Variants in NLGN1 observed in about 807,000 individuals in gnomAD.
NLGN1 encodes the protein neuroligin-1.
Under a neutral mutation model 65.5 loss-of-function variants are expected in NLGN1, and 12 were observed. The observed-to-expected ratio is 0.18, with a 90% CI of 0.12 to 0.30. The LOEUF (loss-of-function observed/expected upper bound fraction) is 0.30, where lower values mean the gene tolerates loss of function less well. NLGN1 is among the 10% of genes least tolerant of loss of function. The pLI, the probability that NLGN1 is intolerant of heterozygous loss-of-function variation, is 1.00. For missense variants in NLGN1, 750 were observed against 1,007.1 expected, an observed-to-expected ratio of 0.74 and a Z score of 3.46; for synonymous variants, 350 against 359.5, an observed-to-expected ratio of 0.97 and a Z score of 0.30.
intron 3 of NLGN1, among the ~76,000 whole-genome samples, chr3:173,701,497 A>G (rs185000596): frequency 3.3e-5 from 5 of 152,306 alleles, no homozygotes; most frequent in Non-Finnish European, 7.4e-5. Context: ...TCCAGAAATA[A>G]TGTAGCCCTG....
At chr3:173,758,562 A>C (rs1188379675) in intron 3 of NLGN1, among the ~76,000 whole-genome samples, 1 of 152,002 alleles carries the variant, frequency 6.6e-6, no homozygotes, top group African/African-American at 2.4e-5. Context: ...AGAAAATCCA[A>C]GCTGCTTACC....
chr3:173,899,312 T>TA (rs1460817110), intron 4 of NLGN1, among the ~76,000 whole-genome samples: 1 of 152,140 alleles, frequency 6.6e-6, no homozygotes, highest in African/African-American at 2.4e-5. Context: ...TTCAAATTAG[T>TA]AAAAAATTTT....
At chr3:173,978,572 G>A (rs79513596) in intron 4 of NLGN1, among the ~76,000 whole-genome samples, 103 of 152,016 alleles carry the variant, frequency 6.8e-4, no homozygotes, top group African/African-American at 2.4e-3. Flanking sequence ...ACATGGAATA[G>A]TCAATTAATA....
chr3:173,509,911 A>C, intron 2 of NLGN1, among the ~76,000 whole-genome samples: 1 of 152,208 alleles, frequency 6.6e-6, no homozygotes. Flanking sequence ...TCAGGAGAGT[A>C]GGTTTGCTTG....
intron 4 of NLGN1, among the ~76,000 whole-genome samples, chr3:174,248,550 G>A (rs1444169354): frequency 6.6e-6 from 1 of 152,092 alleles, no homozygotes; most frequent in Non-Finnish European, 1.5e-5. Context: ...ACCTGAGGCT[G>A]GGAGTTTGAG....
intron 4 of NLGN1, among the ~76,000 whole-genome samples, chr3:174,201,323 G>T (rs115092681): frequency 1.1e-4 from 14 of 126,084 alleles, no homozygotes; most frequent in Admixed American, 9.3e-4. Flanking sequence ...GGAGGGAGGC[G>T]GGAGGAGGGA....
At position 173,520,889 on chromosome 3, in the gene NLGN1, A is replaced by G. The variant is rs116494123; in HGVS notation, c.-320-83390A>G. Among the ~76,000 whole-genome samples, 294 of 152,166 alleles carry G rather than the reference A, an allele frequency of 1.9e-3. 1 individual carries two copies. Among genetic ancestry groups the G allele is most frequent in the African/African-American group, 7.0e-3 (292 of 41,540 alleles). On this transcript the variant is annotated intron_variant, in intron 2 of 6. Transcript: ENST00000457714. The stretch of plus-strand genomic sequence containing the variant: ...TGAAAAGAAACTTAGGACTAATCTC[A>G]TTTTTGTGGCCACCTCGGTTGGCAG...
intron 4 of NLGN1, among the ~76,000 whole-genome samples, chr3:174,087,674 C>T (rs1266862646): frequency 2.0e-5 from 3 of 152,028 alleles, no homozygotes; most frequent in Non-Finnish European, 4.4e-5. Context: ...AGTTCTATGC[C>T]ACAACTATAC....
At chr3:173,581,705 C>T (rs1746428462) in intron 2 of NLGN1, among the ~76,000 whole-genome samples, 1 of 151,606 alleles carries the variant, frequency 6.6e-6, no homozygotes, top group Admixed American at 6.6e-5. Context: ...AAAAAATCTC[C>T]ATATAAAAAG....
chr3:173,545,133 G>T (rs749152439), intron 2 of NLGN1, among the ~76,000 whole-genome samples: 1 of 152,102 alleles, frequency 6.6e-6, no homozygotes, highest in Admixed American at 6.6e-5. Flanking sequence ...GGAGTGTAAA[G>T]TCGCAATTTC....
intron 2 of NLGN1, among the ~76,000 whole-genome samples, chr3:173,510,004 T>G (rs532356035): frequency 6.6e-6 from 1 of 152,298 alleles, no homozygotes; most frequent in Non-Finnish European, 1.5e-5. Context: ...AACAGCAGTT[T>G]TAGTCACAGG....
At chr3:173,901,290 T>C (rs1407926025) in intron 4 of NLGN1, among the ~76,000 whole-genome samples, 2 of 150,270 alleles carry the variant, frequency 1.3e-5, no homozygotes, top group Admixed American at 6.8e-5. Context: ...AATTAATACA[T>C]AGACAAGTTT....
intron 2 of NLGN1, among the ~76,000 whole-genome samples, chr3:173,441,918 C>G (rs62291287): frequency 1.3e-5 from 2 of 152,236 alleles, no homozygotes; most frequent in African/African-American, 2.4e-5. Flanking sequence ...GTTAAACCAC[C>G]AAGTCATGAT....
chr3:173,696,640 C>A (rs1198267927), intron 3 of NLGN1, among the ~76,000 whole-genome samples: 1 of 152,174 alleles, frequency 6.6e-6, no homozygotes, highest in Non-Finnish European at 1.5e-5. Context: ...CTGTTTACTT[C>A]ATACTTCTTT....
At chr3:174,134,757 G>C (rs1213452741) in intron 4 of NLGN1, among the ~76,000 whole-genome samples, 1 of 152,162 alleles carries the variant, frequency 6.6e-6, no homozygotes, top group Admixed American at 6.5e-5. Context: ...GGAAAGTAAG[G>C]ACTGGATCAA....
At chr3:173,520,286 T>C (rs1435002983) in intron 2 of NLGN1, among the ~76,000 whole-genome samples, 1 of 152,192 alleles carries the variant, frequency 6.6e-6, no homozygotes, top group Non-Finnish European at 1.5e-5. Context: ...TAATACAGTC[T>C]TGTAACATGC....
At chr3:173,622,916 T>G (rs1270462472) in intron 3 of NLGN1, among the ~76,000 whole-genome samples, 1 of 152,120 alleles carries the variant, frequency 6.6e-6, no homozygotes, top group Non-Finnish European at 1.5e-5. Flanking sequence ...ATAACAAATG[T>G]AGGCCTTGGG....
At chr3:174,187,240 A>C (rs979077346) in intron 4 of NLGN1, among the ~76,000 whole-genome samples, 2 of 152,002 alleles carry the variant, frequency 1.3e-5, no homozygotes, top group African/African-American at 4.8e-5. Flanking sequence ...GATTTAGAGC[A>C]GCCTTGGATT....
At chr3:173,930,732 A>G (rs1310269007) in intron 4 of NLGN1, among the ~76,000 whole-genome samples, 2 of 152,210 alleles carry the variant, frequency 1.3e-5, no homozygotes, top group Non-Finnish European at 2.9e-5. Flanking sequence ...AAGAGAACAC[A>G]GTGTCTTTTA....
Sources: allele counts gnomAD v4.1 joint callset (sites outside exome capture counted in the v4.1 genomes callset), GRCh38; gene constraint gnomAD v4.1.1; transcripts MANE v1.5; gene names NCBI Gene and HGNC (gene_info 2026-07-23, HGNC 2026-07-21).